Variants in FOXN3 observed in about 807,000 individuals in gnomAD.
FOXN3 encodes forkhead box protein N3.
In FOXN3, 7 loss-of-function variants were observed where a neutral mutation model predicts 38.4. That is an observed-to-expected ratio of 0.18 (90% CI 0.10 to 0.34). The LOEUF is 0.34. FOXN3 is among the 10% of genes least tolerant of loss of function. The pLI is 1.00. For missense variants in FOXN3, 456 were observed against 613.4 expected (o/e 0.74, Z 2.71); for synonymous variants, 230 against 242.2 (o/e 0.95, Z 0.47).
intron 4 of FOXN3, among the ~76,000 whole-genome samples, chr14:89,197,520 C>G (rs1319282449): frequency 6.6e-6 from 1 of 150,702 alleles, no homozygotes; most frequent in Non-Finnish European, 1.5e-5. Context: ...AAAAAAAGAG[C>G]ACGGGTACAT....
chr14:89,288,980 G>A (rs967856226), intron 3 of FOXN3, among the ~76,000 whole-genome samples: 1 of 151,204 alleles, frequency 6.6e-6, no homozygotes, highest in Non-Finnish European at 1.5e-5. Context: ...CCAGGAGTTC[G>A]AGACCAGCCT....
chr14:89,371,801 G>A (rs1050404406), intron 2 of FOXN3, among the ~76,000 whole-genome samples: 1 of 152,130 alleles, frequency 6.6e-6, no homozygotes. Flanking sequence ...GGGCTGCAGT[G>A]AGTGAGCTGC....
intron 2 of FOXN3, among the ~76,000 whole-genome samples, chr14:89,363,985 T>TAA (rs1298252136): frequency 1.1e-5 from 1 of 93,474 alleles, no homozygotes; most frequent in African/African-American, 5.2e-5. Context: ...TATATATATA[T>TAA]ATAATATATA....
intron 4 of FOXN3, among the ~76,000 whole-genome samples, chr14:89,237,996 T>C (rs1885029784): frequency 6.6e-6 from 1 of 152,244 alleles, no homozygotes; most frequent in Non-Finnish European, 1.5e-5. Context: ...AAGTCAGTAA[T>C]GTTGCTCCAG....
At chr14:89,510,274 A>G (rs1024974202) in intron 1 of FOXN3, among the ~76,000 whole-genome samples, 2 of 152,206 alleles carry the variant, frequency 1.3e-5, no homozygotes, top group Non-Finnish European at 2.9e-5. Flanking sequence ...TATTCTGTAT[A>G]CATTGCTTCT....
intron 3 of FOXN3, among the ~76,000 whole-genome samples, chr14:89,317,202 G>A (rs921936483): frequency 6.6e-6 from 1 of 152,212 alleles, no homozygotes; most frequent in Non-Finnish European, 1.5e-5. Flanking sequence ...CTCTGACAGT[G>A]AGTGAGGAAG....
intron 1 of FOXN3, among the ~76,000 whole-genome samples, chr14:89,607,510 G>C (rs1194713611): frequency 6.7e-6 from 1 of 149,728 alleles, no homozygotes; most frequent in Non-Finnish European, 1.5e-5. Flanking sequence ...AATCAGCCGA[G>C]ATTACCCCAC....
chr14:89,370,821 T>A (rs1484966533), intron 2 of FOXN3, among the ~76,000 whole-genome samples: 1 of 152,190 alleles, frequency 6.6e-6, no homozygotes, highest in South Asian at 2.1e-4. Flanking sequence ...TCTACCCCAG[T>A]GAGGACGTAA....
chr14:89,339,199 CCT>C (rs1888546417), intron 3 of FOXN3, among the ~76,000 whole-genome samples: 1 of 152,128 alleles, frequency 6.6e-6, no homozygotes, highest in African/African-American at 2.4e-5. Flanking sequence ...GTCTCAAACC[CCT>C]GACCTCAGGT....
Position 89,161,556 on chromosome 14 carries a change from CGTGTGTGTGTGTGTGTGT to C in FOXN3, c.*840_*857del, listed in dbSNP as rs368359011. On this transcript the variant is annotated 3_prime_UTR_variant, in exon 6 of 6. Transcript: ENST00000557258. ...CCATCAGTTTTCTCTCTCTCTCCTT[CGTGTGTGTGTGTGTGTGT>C]GTGTGTGTGTGTGTGTGTGTGTGCG... 9.1e-6 allele frequency: 1 copy of C among 109,390 alleles called. No individual in the cohort carries two copies. The highest frequency in any genetic ancestry group is 2.3e-4 in the East Asian group (1 of 4,324). The allele number at this position is 109,390 out of a possible 1,614,324, so 6.8% of individuals were successfully genotyped here.
chr14:89,276,333 T>C (rs1010845273), intron 4 of FOXN3, among the ~76,000 whole-genome samples: 5 of 152,058 alleles, frequency 3.3e-5, no homozygotes, highest in Non-Finnish European at 5.9e-5. Context: ...ATAAAATATG[T>C]TAGATAATTT....
intron 1 of FOXN3, among the ~76,000 whole-genome samples, chr14:89,608,707 G>A (rs1357912662): frequency 6.6e-6 from 1 of 152,178 alleles, no homozygotes; most frequent in Non-Finnish European, 1.5e-5. Flanking sequence ...GAAGAGCAAG[G>A]TTGACATTCC....
At chr14:89,239,889 A>G (rs1885093156) in intron 4 of FOXN3, among the ~76,000 whole-genome samples, 1 of 152,206 alleles carries the variant, frequency 6.6e-6, no homozygotes, top group Admixed American at 6.5e-5. Context: ...AGAAGGTCAC[A>G]TGACCCATGA....
intron 4 of FOXN3, among the ~76,000 whole-genome samples, chr14:89,196,545 T>C (rs1361586189): frequency 6.6e-6 from 1 of 152,168 alleles, no homozygotes; most frequent in Non-Finnish European, 1.5e-5. Context: ...CTTGATTTGC[T>C]CCTCCCTTTG....
At chr14:89,194,885 G>A (rs181877474) in intron 4 of FOXN3, among the ~76,000 whole-genome samples, 15 of 152,004 alleles carry the variant, frequency 9.9e-5, no homozygotes, top group African/African-American at 2.4e-4. Context: ...ATATATATAC[G>A]TACTCATGCA....
intron 3 of FOXN3, among the ~76,000 whole-genome samples, chr14:89,289,738 C>A (rs541640363): frequency 6.6e-6 from 1 of 152,290 alleles, no homozygotes; most frequent in African/African-American, 2.4e-5. Flanking sequence ...GACAGCATAT[C>A]CACACTGCCA....
chr14:89,539,276 T>C (rs1443400794), intron 1 of FOXN3, among the ~76,000 whole-genome samples: 1 of 152,192 alleles, frequency 6.6e-6, no homozygotes, highest in African/African-American at 2.4e-5. Context: ...AAATGGAAAT[T>C]TGAGAAAAGG....
At chr14:89,604,247 G>A (rs1233441180) in intron 1 of FOXN3, among the ~76,000 whole-genome samples, 5 of 126,844 alleles carry the variant, frequency 3.9e-5, no homozygotes, top group South Asian at 2.5e-4. Flanking sequence ...ACACGTGCGC[G>A]CACACACACG....
chr14:89,463,117 G>A (rs1232128943), intron 1 of FOXN3, among the ~76,000 whole-genome samples: 31 of 151,198 alleles, frequency 2.1e-4, no homozygotes, highest in Non-Finnish European at 3.2e-4. Flanking sequence ...GTGAAACCCC[G>A]TCTCTACTAA....
Sources: gnomAD v4.1 joint callset for allele counts (sites outside exome capture counted in the v4.1 genomes callset) on GRCh38, gnomAD v4.1.1 for gene constraint, MANE v1.5 for transcripts, NCBI Gene and HGNC (gene_info 2026-07-23, HGNC 2026-07-21) for gene names.